Variants in CPAMD8 observed in about 807,000 individuals in gnomAD.
CPAMD8 encodes the protein C3 and PZP like alpha-2-macroglobulin domain containing 8.
CPAMD8 carries 146 observed loss-of-function variants against 224.7 expected under a neutral mutation model. The ratio of observed to expected loss-of-function variants is 0.65; its 90% confidence interval spans 0.57 to 0.75. The LOEUF is 0.75. Among genes scored for constraint, CPAMD8 ranks in the 30% least tolerant of loss-of-function variants. The pLI is 0.00. For missense variants in CPAMD8, 2,301 were observed against 2,537.5 expected (o/e 0.91, Z 2.00); for synonymous variants, 966 against 1,044.6 (o/e 0.92, Z 1.45).
rs71180341 is a variant in CPAMD8, at chr19:16,899,898, A to ATTT, written c.4774-352_4774-350dup. ...GTTCAAGTTCCCCTCCCAGCCTGGG[A>ATTT]TTTTTTTTTTTTTTTCAGTTTTTGA... On this transcript the variant is annotated intron_variant, in intron 36 of 41. Coordinates refer to ENST00000443236, the MANE Select transcript of CPAMD8 (RefSeq NM_015692.5). The surrounding 1 kb of genome is among the most constrained non-coding windows in gnomAD (Gnocchi z 5.4). 2.5e-3 allele frequency among the ~76,000 whole-genome samples: 357 copies of ATTT among 140,176 alleles called. 3 individuals are homozygous for ATTT. The highest frequency in any genetic ancestry group is 8.8e-3 in the African/African-American group (331 of 37,578). The allele number at this position is 140,176 out of a possible 152,430, so 92.0% of individuals were successfully genotyped here. A position where few individuals can be genotyped will look rare whatever the true frequency, so the allele number is the denominator to read the frequency against.
chr19:16,937,003 C>A (rs1206786040), intron 23 of CPAMD8, among the ~76,000 whole-genome samples: 2 of 151,514 alleles, frequency 1.3e-5, no homozygotes, highest in Non-Finnish European at 2.9e-5. Context: ...TTCCTTCCTT[C>A]CTTTTTTCCT....
chr19:17,022,428 C>T (rs2056984045), intron 1 of CPAMD8, among the ~76,000 whole-genome samples: 1 of 152,120 alleles, frequency 6.6e-6, no homozygotes, highest in Non-Finnish European at 1.5e-5. Context: ...CATTGCACAA[C>T]CCCTCTTACT....
At chr19:16,989,341 C>T (rs1177349922) in intron 13 of CPAMD8, among the ~76,000 whole-genome samples, 1 of 152,104 alleles carries the variant, frequency 6.6e-6, no homozygotes, top group Non-Finnish European at 1.5e-5. Context: ...GGCTGGAGTG[C>T]AGTGGTGTGA....
intron 19 of CPAMD8, among the ~76,000 whole-genome samples, chr19:16,956,110 C>T (rs937037707): frequency 5.3e-5 from 8 of 152,082 alleles, no homozygotes; most frequent in Admixed American, 2.0e-4. Flanking sequence ...GAGAACATCC[C>T]GAATCCTAAA....
At chr19:16,916,809 C>A (rs955435084) in intron 27 of CPAMD8, among the ~76,000 whole-genome samples, 4 of 152,154 alleles carry the variant, frequency 2.6e-5, no homozygotes, top group African/African-American at 9.7e-5. Flanking sequence ...CCAGGCCGTT[C>A]TCCCTCTCAG....
chr19:16,920,065 C>T (rs957179756), intron 27 of CPAMD8, among the ~76,000 whole-genome samples: 11 of 152,192 alleles, frequency 7.2e-5, no homozygotes, highest in South Asian at 2.1e-4. Flanking sequence ...CACTGCCCTG[C>T]GCTCACTGCC....
In CPAMD8 at chr19:16,997,068, G is replaced by A. The variant is rs199671208; in HGVS notation, c.1095+43C>T. On this transcript the variant is annotated intron_variant, in intron 11 of 41. Transcript: ENST00000443236. ...TAGTGGCTAGTGGTGGTGGTTTCAC[G>A]GTGGTCCTTGGGCGGGAGGCAGCAC... 2,459 of 1,261,162 alleles carry A rather than the reference G, an allele frequency of 1.9e-3. 5 individuals carry two copies. Among genetic ancestry groups the A allele is most frequent in the Non-Finnish European group, 2.5e-3 (2,166 of 859,898 alleles). The allele number at this position is 1,261,162 out of a possible 1,614,324, so 78.1% of individuals were successfully genotyped here. A position where few individuals can be genotyped will look rare whatever the true frequency, so the allele number is the denominator to read the frequency against.
chr19:16,953,759 T>C (rs1008724548), intron 19 of CPAMD8, among the ~76,000 whole-genome samples: 2 of 151,698 alleles, frequency 1.3e-5, no homozygotes, highest in Admixed American at 6.6e-5. Flanking sequence ...CCAGAATATA[T>C]AGAGAACTCC....
Position 17,011,689 on chromosome 19 carries a change from C to T in CPAMD8, c.336G>A (p.Gly112=), listed in dbSNP as rs779226578. The change falls in exon 4 of 42, where the codon GGG becomes GGA. Residue 112 remains glycine, a synonymous_variant. Transcript: ENST00000443236. ...CCGAGGTCTGGTTGTGAAAGAGGGG[C>T]CCCTCCTCCGCCTGCCAGCCGCGGC... ...VWGRGWQAEE[G]PLFHNQTSVT... 40 of 1,613,780 alleles carry T rather than the reference C, an allele frequency of 2.5e-5. No homozygotes were observed. The highest frequency in any genetic ancestry group is 1.3e-4 in the South Asian group (12 of 91,084).
rs1265399486 is a variant in CPAMD8 at position 16,899,308 on chromosome 19, C to T, written c.4848+167G>A. Among the ~76,000 whole-genome samples the T allele has an allele frequency of 2.0e-5, 3 of 152,162 alleles. No homozygotes were observed. Among genetic ancestry groups the T allele is most frequent in the African/African-American group, 7.2e-5 (3 of 41,442 alleles). ...CTGAGCTCAAGTGATCCTCCCACCT[C>T]GGCTTCCCAAAGTGCTGGGATTACA... On this transcript the variant is annotated intron_variant, in intron 37 of 41. Transcript: ENST00000443236. This position sits in a 1 kb window ranked among gnomAD's most constrained non-coding sequence, Gnocchi z 5.4.
chr19:16,968,482 G>A (rs868196995), intron 18 of CPAMD8, among the ~76,000 whole-genome samples: 1 of 152,078 alleles, frequency 6.6e-6, no homozygotes, highest in Non-Finnish European at 1.5e-5. Context: ...TTCCTGGACA[G>A]GTCATACATC....
intron 30 of CPAMD8, among the ~76,000 whole-genome samples, chr19:16,905,231 G>T (rs527649406): frequency 7.3e-5 from 11 of 151,478 alleles, no homozygotes; most frequent in Non-Finnish European, 1.5e-4. Context: ...CTGGGTGACA[G>T]AGTGAGACTG....
At position 17,022,043 on chromosome 19, in the gene CPAMD8, C is replaced by A; in HGVS notation, c.231G>T (p.Gln77His). The change falls in exon 2 of 42, where the codon CAG becomes CAT. Residue 77 changes from glutamine to histidine, a missense_variant. Gln to His is a conservative substitution (Grantham distance 24). Transcript: ENST00000443236. ...CAAGGGACCTACCCAGGATGGCTCC[C>A]TGGCTCTGCACCACCGGCTCACCCT... is the stretch of plus-strand genomic sequence containing the variant. ...VAQGEPVVQS[Q>H]GAILDKGTIK... 6.2e-7 allele frequency: 1 copy of A among 1,604,078 alleles called. No individual in the cohort carries two copies. Among genetic ancestry groups the A allele is most frequent in the Non-Finnish European group, 8.5e-7 (1 of 1,175,756 alleles).
rs928016376 is a variant in CPAMD8 at position 17,026,696 on chromosome 19, G to A, written c.-54C>T. ...GGGGAGGGGGCCGGGCCAGGGCTGGGCCAGGGCCAGGGTCCGAGCGCGGCC... is the reference window on the plus strand; with the variant it reads ...GGGGAGGGGGCCGGGCCAGGGCTGGACCAGGGCCAGGGTCCGAGCGCGGCC... On this transcript the variant is annotated 5_prime_UTR_variant, in exon 1 of 42. Coordinates refer to ENST00000443236, the MANE Select transcript of CPAMD8 (RefSeq NM_015692.5). 1 of 1,296,676 alleles carries A rather than the reference G, an allele frequency of 7.7e-7. No individual in the cohort carries two copies. Among genetic ancestry groups the A allele is most frequent in the Non-Finnish European group, 9.8e-7 (1 of 1,024,494 alleles). The allele number at this position is 1,296,676 out of a possible 1,614,324, so 80.3% of individuals were successfully genotyped here.
intron 20 of CPAMD8, among the ~76,000 whole-genome samples, chr19:16,950,816 GAGAA>G (rs1281227519): frequency 2.7e-4 from 35 of 128,422 alleles, no homozygotes; most frequent in Admixed American, 1.8e-3. Context: ...AAAAAAAAAA[GAGAA>G]AGAGAGAGAA....
chr19:17,018,344 A>T lies in CPAMD8; in HGVS notation c.267+1987T>A, dbSNP rs183702912. ...CATAGTTTGGTACATATAATAATTT[A>T]AAAATAACAATATTCAATGTCTGAG... On this transcript the variant is annotated intron_variant, in intron 3 of 41. Coordinates refer to ENST00000443236, the MANE Select transcript of CPAMD8 (RefSeq NM_015692.5). 9.9e-5 allele frequency among the ~76,000 whole-genome samples: 15 copies of T among 152,280 alleles called. No homozygotes were observed. In the East Asian group the frequency reaches 2.9e-3, roughly 29 times the overall value.
chr19:16,979,499 C>A (rs1164269071), intron 14 of CPAMD8, among the ~76,000 whole-genome samples: 1 of 139,796 alleles, frequency 7.2e-6, no homozygotes, highest in Non-Finnish European at 1.5e-5. Flanking sequence ...TCTGTCCATC[C>A]ATCTTTTGGT....
chr19:17,025,246 A>G (rs989873627), intron 1 of CPAMD8, among the ~76,000 whole-genome samples: 2 of 152,256 alleles, frequency 1.3e-5, no homozygotes, highest in African/African-American at 4.8e-5. Flanking sequence ...CCCCATCTCT[A>G]TTAAAAATAC....
intron 27 of CPAMD8, among the ~76,000 whole-genome samples, chr19:16,919,425 G>A (rs1376233245): frequency 6.6e-6 from 1 of 152,194 alleles, no homozygotes; most frequent in Non-Finnish European, 1.5e-5. Context: ...AGCCATGTGA[G>A]GGAGCCAATT....
Sources: gnomAD v4.1 joint callset for allele counts (sites outside exome capture counted in the v4.1 genomes callset) on GRCh38, gnomAD v4.1.1 for gene constraint, Gnocchi (gnomAD v3.1) non-coding constraint, MANE v1.5 for transcripts, NCBI Gene and HGNC (gene_info 2026-07-23, HGNC 2026-07-21) for gene names.